The following PLCH1 variants were observed in gnomAD, a reference collection of about 807,000 sequenced individuals.
The protein encoded by PLCH1 is 1-phosphatidylinositol 4,5-bisphosphate phosphodiesterase eta-1.
Under a neutral mutation model 126.7 loss-of-function variants are expected in PLCH1, and 60 were observed. The ratio of observed to expected loss-of-function variants is 0.47; its 90% CI spans 0.38 to 0.59. The LOEUF is 0.59. Among genes scored for constraint, PLCH1 ranks in the 20% least tolerant of loss-of-function variants. The probability of loss-of-function intolerance (pLI) is 0.00; values close to 1 mark genes in which losing one functional copy is unlikely to be tolerated. For missense variants in PLCH1, 1,723 were observed against 2,040.0 expected, an observed-to-expected ratio of 0.84 and a Z score of 2.99; for synonymous variants, 719 against 734.9, an observed-to-expected ratio of 0.98 and a Z score of 0.35.
rs1727904597 is a variant in PLCH1, at chr3:155,563,475, T to G, written c.1069+1440A>C. On this transcript the variant is annotated intron_variant, in intron 8 of 22. Coordinates refer to ENST00000460012, the MANE Select transcript of PLCH1 (RefSeq NM_014996.4). ...CTTTTATTCTTTTCTCTCACCAGTT[T>G]CCACTAAGTTTACCTCTTCAATACT... Among the ~76,000 whole-genome samples, 4 of 152,132 alleles carry G rather than the reference T, an allele frequency of 2.6e-5. No homozygotes were observed. The South Asian group carries it at 8.3e-4, about 32-fold the overall frequency.
chr3:155,571,680 T>A (rs1729247435), intron 6 of PLCH1, among the ~76,000 whole-genome samples: 1 of 152,248 alleles, frequency 6.6e-6, no homozygotes, highest in Non-Finnish European at 1.5e-5. Context: ...ATTACAGGTG[T>A]GAGCCACCGC....
intron 8 of PLCH1, among the ~76,000 whole-genome samples, chr3:155,554,920 T>A (rs1726609706): frequency 6.6e-6 from 1 of 152,248 alleles, no homozygotes; most frequent in Admixed American, 6.5e-5. Flanking sequence ...CTATTAATAT[T>A]GCTCTCTACC....
intron 9 of PLCH1, among the ~76,000 whole-genome samples, chr3:155,552,535 AAGGTTGTTCC>A (rs1726285339): frequency 6.6e-6 from 1 of 152,144 alleles, no homozygotes; most frequent in African/African-American, 2.4e-5. Flanking sequence ...ACTAACGGGG[AAGGTTGTTCC>A]AGGCAGAGAG....
chr3:155,477,453 G>A (rs1351393928), downstream of PLCH1, among the ~76,000 whole-genome samples: 1 of 151,964 alleles, frequency 6.6e-6, no homozygotes, highest in Non-Finnish European at 1.5e-5. Flanking sequence ...ACAAAGTGAA[G>A]AGACAACACA....
At chr3:155,663,100 A>AG (rs1266338572) in intron 2 of PLCH1, among the ~76,000 whole-genome samples, 1 of 152,238 alleles carries the variant, frequency 6.6e-6, no homozygotes, top group Admixed American at 6.5e-5. Context: ...GTAGGACACT[A>AG]GTGCAGATTA....
In PLCH1 at chr3:155,544,597, C is replaced by T. The variant is rs146875721; in HGVS notation, c.1362+5190G>A. 7.4e-3 allele frequency among the ~76,000 whole-genome samples: 1,125 copies of T among 152,244 alleles called. 7 individuals carry two copies. The highest frequency in any genetic ancestry group is 0.025 in the African/African-American group (1,055 of 41,538). ...AACAGAATATAAATTTTTTTCAGCA[C>T]CACACCACACCTATTCCAAAATTGA... is the stretch of plus-strand genomic sequence containing the variant. On this transcript the variant is annotated intron_variant, in intron 10 of 22. Transcript: ENST00000460012.
chr3:155,616,825 C>A (rs906918751), intron 2 of PLCH1, among the ~76,000 whole-genome samples: 12 of 152,080 alleles, frequency 7.9e-5, no homozygotes, highest in African/African-American at 1.4e-4. Flanking sequence ...AATAAATAAA[C>A]TGTGGTCTTA....
At chr3:155,582,803 G>C (rs893190306) in intron 6 of PLCH1, among the ~76,000 whole-genome samples, 1 of 152,108 alleles carries the variant, frequency 6.6e-6, no homozygotes, top group African/African-American at 2.4e-5. Context: ...ACTTTAGTGA[G>C]AAACAGACTT....
chr3:155,600,866 G>A (rs1203294661), intron 2 of PLCH1, among the ~76,000 whole-genome samples: 1 of 152,180 alleles, frequency 6.6e-6, no homozygotes, highest in Non-Finnish European at 1.5e-5. Context: ...AATATTTAAA[G>A]AGCAGAACAG....
intron 8 of PLCH1, among the ~76,000 whole-genome samples, chr3:155,562,188 T>C (rs1363849566): frequency 6.6e-6 from 1 of 152,186 alleles, no homozygotes; most frequent in Non-Finnish European, 1.5e-5. Flanking sequence ...TTTAATCCCT[T>C]AGCACTGACC....
intron 2 of PLCH1, among the ~76,000 whole-genome samples, chr3:155,695,692 T>C (rs531742275): frequency 9.2e-5 from 14 of 152,292 alleles, no homozygotes; most frequent in African/African-American, 3.1e-4. Flanking sequence ...ATTACAGTAA[T>C]GATAACACAA....
intron 2 of PLCH1, among the ~76,000 whole-genome samples, chr3:155,693,752 A>G (rs1745589094): frequency 6.6e-6 from 1 of 152,154 alleles, no homozygotes; most frequent in Non-Finnish European, 1.5e-5. Context: ...CAACATGGTG[A>G]AACCCCGTCT....
At chr3:155,460,084 G>A (rs903704176) in intron 21 of PLCH1, among the ~76,000 whole-genome samples, 7 of 152,274 alleles carry the variant, frequency 4.6e-5, no homozygotes, top group Admixed American at 2.0e-4. Flanking sequence ...CATTGAACCA[G>A]CGTTTTGATT....
At chr3:155,598,763 T>A (rs530283996) in intron 2 of PLCH1, among the ~76,000 whole-genome samples, 1 of 152,286 alleles carries the variant, frequency 6.6e-6, no homozygotes, top group African/African-American at 2.4e-5. Context: ...ACTTCCTGAA[T>A]TGAAGTAAGG....
chr3:155,736,393 T>C (rs892359942), intron 1 of PLCH1, among the ~76,000 whole-genome samples: 1 of 152,202 alleles, frequency 6.6e-6, no homozygotes, highest in Non-Finnish European at 1.5e-5. Context: ...AAGATTCCTG[T>C]GACATTCACA....
chr3:155,729,676 C>A (rs1054271381), intron 1 of PLCH1, among the ~76,000 whole-genome samples: 1 of 152,156 alleles, frequency 6.6e-6, no homozygotes, highest in East Asian at 1.9e-4. Flanking sequence ...GTAATTCCAA[C>A]ACTTTAGGAG....
At chr3:155,558,908 T>C (rs1294592487) in intron 8 of PLCH1, among the ~76,000 whole-genome samples, 3 of 152,170 alleles carry the variant, frequency 2.0e-5, no homozygotes, top group Admixed American at 2.0e-4. Flanking sequence ...CAGATATTGT[T>C]AGGAGGACCA....
chr3:155,469,018 G>C (rs915679176), intron 21 of PLCH1, among the ~76,000 whole-genome samples: 5 of 152,120 alleles, frequency 3.3e-5, no homozygotes, highest in Non-Finnish European at 5.9e-5. Flanking sequence ...CCATATGTTA[G>C]GTCACAAAAC....
At position 155,483,062 on chromosome 3, in the gene PLCH1, C is replaced by G; in HGVS notation, c.2975-11G>C. 6.2e-7 allele frequency: 1 copy of G among 1,607,524 alleles called. No homozygotes were observed. Among genetic ancestry groups the G allele is most frequent in the Non-Finnish European group, 8.5e-7 (1 of 1,176,604 alleles). The stretch of plus-strand genomic sequence containing the variant: ...CATCTTTATCTTCTGCTGAAGGAGA[C>G]AAACAATATTTTAGGTGACATCTAT... On this transcript the variant is annotated splice_polypyrimidine_tract_variant and intron_variant, in intron 22 of 22. Transcript: ENST00000460012.
Sources: allele counts gnomAD v4.1 joint callset (sites outside exome capture counted in the v4.1 genomes callset), GRCh38; gene constraint gnomAD v4.1.1; transcripts MANE v1.5; gene names NCBI Gene and HGNC (gene_info 2026-07-23, HGNC 2026-07-21).